NLGN1: variants seen among roughly 807,000 people sequenced by gnomAD.
NLGN1 encodes the protein neuroligin-1.
NLGN1 carries 12 observed loss-of-function variants against 65.5 expected under a neutral mutation model. The observed-to-expected ratio is 0.18, with a 90% CI of 0.12 to 0.30. The LOEUF is 0.30. Among genes scored for constraint, NLGN1 ranks in the 10% least tolerant of loss-of-function variants. The pLI is 1.00. For missense variants in NLGN1, 750 were observed against 1,007.1 expected, an observed-to-expected ratio of 0.74 and a Z score of 3.46; for synonymous variants, 350 against 359.5, an observed-to-expected ratio of 0.97 and a Z score of 0.30.
At chr3:173,437,411 T>C (rs1480771119) in intron 2 of NLGN1, among the ~76,000 whole-genome samples, 1 of 152,176 alleles carries the variant, frequency 6.6e-6, no homozygotes, top group Non-Finnish European at 1.5e-5. Flanking sequence ...ATGAGGCTTT[T>C]TCAGCTACAT....
intron 1 of NLGN1, among the ~76,000 whole-genome samples, chr3:173,403,530 G>A (rs1718096862): frequency 6.6e-6 from 1 of 152,062 alleles, no homozygotes; most frequent in South Asian, 2.1e-4. Flanking sequence ...ATTTACTTGA[G>A]GGGCTCAAGG....
intron 4 of NLGN1, among the ~76,000 whole-genome samples, chr3:173,944,726 A>G (rs370401386): frequency 6.6e-6 from 1 of 152,172 alleles, no homozygotes; most frequent in African/African-American, 2.4e-5. Flanking sequence ...CTTTTTGAGT[A>G]CATCTTTGCT....
intron 4 of NLGN1, among the ~76,000 whole-genome samples, chr3:174,118,227 C>A (rs1276826234): frequency 6.6e-6 from 1 of 152,098 alleles, no homozygotes; most frequent in African/African-American, 2.4e-5. Context: ...TAATCACTTT[C>A]TTCTTATTCG....
chr3:174,163,741 C>T (rs1422382511), intron 4 of NLGN1, among the ~76,000 whole-genome samples: 1 of 151,944 alleles, frequency 6.6e-6, no homozygotes, highest in African/African-American at 2.4e-5. Flanking sequence ...GCTGCTTCAA[C>T]GTTGCTGCAA....
At chr3:174,168,757 C>G (rs962086837) in intron 4 of NLGN1, among the ~76,000 whole-genome samples, 2 of 152,234 alleles carry the variant, frequency 1.3e-5, no homozygotes, top group South Asian at 4.1e-4. Flanking sequence ...AGGGGATGAC[C>G]GGGGCACATC....
chr3:173,883,938 G>A (rs1050935311), intron 4 of NLGN1, among the ~76,000 whole-genome samples: 3 of 149,822 alleles, frequency 2.0e-5, no homozygotes, highest in Non-Finnish European at 4.4e-5. Flanking sequence ...TGTCGTTCTA[G>A]CATTTTTACT....
intron 3 of NLGN1, among the ~76,000 whole-genome samples, chr3:173,712,529 C>T (rs911981579): frequency 1.3e-5 from 2 of 152,124 alleles, no homozygotes; most frequent in African/African-American, 4.8e-5. Flanking sequence ...TGCTCCCTAA[C>T]AAGTTATTCT....
intron 4 of NLGN1, among the ~76,000 whole-genome samples, chr3:174,251,849 C>A (rs1268105112): frequency 6.6e-6 from 1 of 151,984 alleles, no homozygotes; most frequent in Non-Finnish European, 1.5e-5. Flanking sequence ...AAAGTATTTT[C>A]TTTGAATATC....
At chr3:173,941,224 A>G (rs1208588730) in intron 4 of NLGN1, among the ~76,000 whole-genome samples, 2 of 151,998 alleles carry the variant, frequency 1.3e-5, no homozygotes, top group Admixed American at 6.6e-5. Context: ...GCCTTCCAGA[A>G]CACCACCTGA....
intron 3 of NLGN1, among the ~76,000 whole-genome samples, chr3:173,742,905 T>C (rs985627639): frequency 6.6e-6 from 1 of 152,160 alleles, no homozygotes; most frequent in African/African-American, 2.4e-5. Context: ...CCTCCAGATT[T>C]GAGGGGGTTG....
At chr3:173,590,362 A>G (rs186346094) in intron 2 of NLGN1, among the ~76,000 whole-genome samples, 147 of 152,278 alleles carry the variant, frequency 9.7e-4, no homozygotes, top group Admixed American at 3.0e-3. Context: ...GTGTTCTAAT[A>G]CATATGTTAC....
intron 4 of NLGN1, among the ~76,000 whole-genome samples, chr3:174,205,936 A>G (rs552058625): frequency 2.1e-4 from 32 of 152,332 alleles, no homozygotes; most frequent in Admixed American, 1.7e-3. Context: ...CCCAGCAACC[A>G]GAGCCCAGTA....
intron 3 of NLGN1, among the ~76,000 whole-genome samples, chr3:173,788,658 C>A (rs141519105): frequency 1.3e-5 from 2 of 151,528 alleles, no homozygotes; most frequent in African/African-American, 4.8e-5. Flanking sequence ...GAAACAAAAT[C>A]AAGAAATCTT....
intron 4 of NLGN1, among the ~76,000 whole-genome samples, chr3:173,880,746 G>C (rs1404775760): frequency 6.6e-6 from 1 of 152,008 alleles, no homozygotes; most frequent in African/African-American, 2.4e-5. Context: ...GGTTGCTGTT[G>C]CAATTTCTTA....
intron 4 of NLGN1, among the ~76,000 whole-genome samples, chr3:174,038,836 T>A (rs1731675454): frequency 6.6e-6 from 1 of 152,206 alleles, no homozygotes; most frequent in Non-Finnish European, 1.5e-5. Context: ...CTCTTCAAAG[T>A]GGCTTCCTTC....
chr3:173,499,761 G>C (rs1332853719), intron 2 of NLGN1, among the ~76,000 whole-genome samples: 1 of 151,858 alleles, frequency 6.6e-6, no homozygotes, highest in Non-Finnish European at 1.5e-5. Flanking sequence ...TCCTTGAAGA[G>C]ATCCTTCACA....
chr3:173,733,924 C>T (rs952248005), intron 3 of NLGN1, among the ~76,000 whole-genome samples: 3 of 151,924 alleles, frequency 2.0e-5, no homozygotes, highest in Non-Finnish European at 4.4e-5. Context: ...TGTACTAAAT[C>T]TAGTGAATGA....
intron 4 of NLGN1, among the ~76,000 whole-genome samples, chr3:174,268,587 T>C (rs1201742647): frequency 6.6e-6 from 1 of 152,122 alleles, no homozygotes; most frequent in Non-Finnish European, 1.5e-5. Flanking sequence ...AAATAAATAC[T>C]TCGGTCTTAT....
intron 4 of NLGN1, among the ~76,000 whole-genome samples, chr3:173,953,835 A>G (rs1477661416): frequency 6.6e-6 from 1 of 152,134 alleles, no homozygotes; most frequent in East Asian, 1.9e-4. Context: ...GAGCCACTGT[A>G]CCTGACTCAT....
Sources: gnomAD v4.1 joint callset for allele counts (sites outside exome capture counted in the v4.1 genomes callset) on GRCh38, gnomAD v4.1.1 for gene constraint, MANE v1.5 for transcripts, NCBI Gene and HGNC (gene_info 2026-07-23, HGNC 2026-07-21) for gene names.